GAK: variants seen among roughly 807,000 people sequenced by gnomAD.
GAK encodes cyclin-G-associated kinase.
Under a neutral mutation model 143.9 loss-of-function variants are expected in GAK, and 79 were observed. The observed-to-expected ratio is 0.55, with a 90% CI of 0.46 to 0.66. GAK has a LOEUF of 0.66. Ranked by LOEUF, GAK falls within the 30% of genes least tolerant of loss-of-function variation. The pLI is 0.00. For missense variants in GAK, 1,693 were observed against 1,779.7 expected, an observed-to-expected ratio of 0.95 and a Z score of 0.88; for synonymous variants, 881 against 765.5, an observed-to-expected ratio of 1.15 and a Z score of -2.49.
At chr4:931,814 C>G (rs969943766) in intron 1 of GAK, among the ~76,000 whole-genome samples, 10 of 152,180 alleles carry the variant, frequency 6.6e-5, no homozygotes, top group Non-Finnish European at 1.2e-4. Flanking sequence ...CAGCCTCGCC[C>G]TCCGCAATCA....
chr4:904,621 T>G lies in GAK; in HGVS notation c.525+16A>C. ...ACACAGAGGCCTTGGCAGCCGCGTG[T>G]GGAGGGAGCCACTACCTTGAGGTCC... On this transcript the variant is annotated intron_variant, in intron 5 of 27. Transcript: ENST00000314167. The G allele has an allele frequency of 1.3e-6, 2 of 1,558,066 alleles. No individual in the cohort carries two copies. The highest frequency in any genetic ancestry group is 1.7e-6 in the Non-Finnish European group (2 of 1,151,460).
rs1180033451 is a variant in GAK, at chr4:867,209, C to T, written c.2619G>A (p.Glu873=). 8 of 1,612,346 alleles carry T rather than the reference C, an allele frequency of 5.0e-6. No individual in the cohort carries two copies. Among genetic ancestry groups the T allele is most frequent in the Non-Finnish European group, 5.9e-6 (7 of 1,179,324 alleles). The change falls in exon 21 of 28, where the codon GAG becomes GAA. Residue 873 remains glutamate, a synonymous_variant. Coordinates refer to ENST00000314167, the MANE Select transcript of GAK (RefSeq NM_005255.4). ...FEVETPAVLP[E]PVPQEDGVDL... is the part of the protein sequence containing the mutation. The stretch of plus-strand genomic sequence containing the variant: ...CGACCCCGTCTTCCTGTGGCACAGG[C>T]TCTGGCAGCACAGCCGGTGTCTCCA...
At chr4:917,648 G>C (rs1293560137) in intron 1 of GAK, among the ~76,000 whole-genome samples, 1 of 152,270 alleles carries the variant, frequency 6.6e-6, no homozygotes, top group Admixed American at 6.5e-5. Flanking sequence ...GCAGGGCGAA[G>C]GGTTACCGTG....
intron 23 of GAK, among the ~76,000 whole-genome samples, chr4:861,807 C>T (rs1274720742): frequency 2.0e-5 from 3 of 152,202 alleles, no homozygotes; most frequent in Non-Finnish European, 4.4e-5. Flanking sequence ...AGAGGAAGTT[C>T]GGGTGATCTG....
intron 26 of GAK, chr4:850,322 G>A (rs540437675): frequency 1.9e-5 from 8 of 420,250 alleles, no homozygotes; most frequent in South Asian, 1.2e-4. Flanking sequence ...GATGTTCACC[G>A]AGGACACAAA....
intron 1 of GAK, chr4:915,694 C>T (rs552165482): frequency 2.6e-5 from 4 of 152,264 alleles, no homozygotes; most frequent in African/African-American, 7.2e-5. Context: ...TCTCAGCAAA[C>T]GAGGACAGAA....
At chr4:904,539 G>A in intron 5 of GAK, 98 bp downstream of exon 5, 1 of 1,089,108 alleles carries the variant, frequency 9.2e-7, no homozygotes, top group Non-Finnish European at 1.3e-6. Flanking sequence ...GGCCTCAGCA[G>A]CCGCTACCTT....
At chr4:874,162 T>A (rs1327224622) in intron 18 of GAK, among the ~76,000 whole-genome samples, 3 of 152,126 alleles carry the variant, frequency 2.0e-5, no homozygotes, top group Non-Finnish European at 4.4e-5. Flanking sequence ...TGTGTGTACA[T>A]GCACACGTGT....
At chr4:915,274 C>A (rs1012479287) in intron 1 of GAK, among the ~76,000 whole-genome samples, 2 of 152,368 alleles carry the variant, frequency 1.3e-5, no homozygotes, top group East Asian at 3.9e-4. Context: ...TACACCACTG[C>A]CTTTCACTTC....
intron 27 of GAK, 59 bp from the exon 28 acceptor site, chr4:849,833 G>GGGGGGGCCCCCCCCCCCC: frequency 8.4e-7 from 1 of 1,190,154 alleles, no homozygotes; most frequent in Admixed American, 2.5e-5. Flanking sequence ...GGCGGGGCAG[G>GGGGGGGCCCCCCCCCCCC]ACCCCCCCCC....
At chr4:894,191 T>A in intron 7 of GAK, 182 bp from the exon 8 acceptor site, 1 of 477,282 alleles carries the variant, frequency 2.1e-6, no homozygotes, top group Non-Finnish European at 3.1e-6. Context: ...ATCGGGAACA[T>A]GGGAAATGCA....
chr4:911,145 C>T (rs1232485779), intron 4 of GAK, among the ~76,000 whole-genome samples: 1 of 152,182 alleles, frequency 6.6e-6, no homozygotes, highest in Non-Finnish European at 1.5e-5. Flanking sequence ...GGGCTCAACC[C>T]TGATGAGGCT....
In GAK at chr4:891,822, G is replaced by A. The variant is rs138888339; in HGVS notation, c.991-1200C>T. Among the ~76,000 whole-genome samples, 132 of 152,234 alleles carry A rather than the reference G, an allele frequency of 8.7e-4. No individual in the cohort carries two copies. The Middle Eastern group carries it at 0.014, about 16-fold the overall frequency. On this transcript the variant is annotated intron_variant, in intron 9 of 27. Transcript: ENST00000314167. ...GGCCCAGGCTGCTAAAGAGCAGGAC[G>A]GCCCAGGAGTGATCCCTTCCTGCCG...
chr4:899,315 C>A (rs1050134752), intron 5 of GAK, among the ~76,000 whole-genome samples: 15 of 152,202 alleles, frequency 9.9e-5, no homozygotes, highest in Non-Finnish European at 1.0e-4. Flanking sequence ...GGATGGCCAG[C>A]ACAGGCATCC....
intron 23 of GAK, among the ~76,000 whole-genome samples, chr4:860,900 C>T (rs796302239): frequency 3.0e-4 from 45 of 152,226 alleles, no homozygotes; most frequent in Admixed American, 7.9e-4. Flanking sequence ...CAACTCTGTC[C>T]GGCACCATTT....
In GAK at chr4:893,487, C is replaced by A; in HGVS notation, c.880G>T (p.Ala294Ser). 3 of 1,565,140 alleles carry A rather than the reference C, an allele frequency of 1.9e-6. No homozygotes were observed. Among genetic ancestry groups the A allele is most frequent in the South Asian group, 1.2e-5 (1 of 85,874 alleles). Residue 294 changes from alanine (A) to serine (S), a missense_variant and splice_region_variant, in exon 9 of 28, where the codon GCC becomes TCC. Physicochemically the swap from Ala to Ser is moderately conservative, Grantham distance 99. Transcript: ENST00000314167. ...TCCTCCGGGTTCACCTGCAGCATGG[C>A]GCCTGCAGCAGAAGCACAGCGCGCT... ...QYTVFHSLIRAMLQVNPEERL... is the reference protein window; with the variant it reads ...QYTVFHSLIRSMLQVNPEERL...
chr4:850,830 G>T (rs1748007205), intron 26 of GAK, 106 bp downstream of exon 26: 2 of 1,283,556 alleles, frequency 1.6e-6, no homozygotes, highest in Non-Finnish European at 2.1e-6. Flanking sequence ...CTCCAGGGGT[G>T]AAAGGTTGCT....
At chr4:876,009 G>A (rs1219091818) in intron 18 of GAK, among the ~76,000 whole-genome samples, 7 of 149,020 alleles carry the variant, frequency 4.7e-5, no homozygotes, top group Non-Finnish European at 8.9e-5. Context: ...GCTGCTCACC[G>A]CATCTGCACC....
At chr4:930,046 C>G (rs1725414853) in intron 1 of GAK, among the ~76,000 whole-genome samples, 1 of 152,204 alleles carries the variant, frequency 6.6e-6, no homozygotes, top group Non-Finnish European at 1.5e-5. Flanking sequence ...ATTCTGAAAC[C>G]TGAAAAATTC....
Sources: allele counts gnomAD v4.1 joint callset (sites outside exome capture counted in the v4.1 genomes callset), GRCh38; gene constraint gnomAD v4.1.1; transcripts MANE v1.5; gene names NCBI Gene and HGNC (gene_info 2026-07-23, HGNC 2026-07-21).